The following SHANK2 variants were observed in gnomAD, a reference collection of about 807,000 sequenced individuals.
SHANK2 encodes the protein SH3 and multiple ankyrin repeat domains 2.
Under a neutral mutation model 133.7 loss-of-function variants are expected in SHANK2, and 43 were observed. The ratio of observed to expected loss-of-function variants is 0.32; its 90% CI spans 0.25 to 0.41. SHANK2 has a LOEUF of 0.41. SHANK2 is among the 10% of genes least tolerant of loss of function. The pLI, the probability that SHANK2 is intolerant of heterozygous loss-of-function variation, is 1.00. For synonymous variants in SHANK2, 1,017 were observed against 952.8 expected (o/e 1.07, Z -1.24); for missense variants, 1,994 against 2,235.8 (o/e 0.89, Z 2.18).
chr11:70,694,271 G>A (rs1205189256), intron 15 of SHANK2, among the ~76,000 whole-genome samples: 1 of 152,258 alleles, frequency 6.6e-6, no homozygotes, highest in Non-Finnish European at 1.5e-5. Flanking sequence ...CCGGGTGAGT[G>A]GAGGGGAATC....
rs183453177 is a variant in SHANK2 at position 70,481,429 on chromosome 11, G to T, written c.4979+3885C>A. ...AGCTGCTTCCTTTGATCCCATCCTG[G>T]ATTCTTGCAAGAAGTGAAAAGAAAG... On this transcript the variant is annotated intron_variant, in intron 25 of 25. Transcript: ENST00000601538. Among the ~76,000 whole-genome samples, 51 of 152,282 alleles carry T rather than the reference G, an allele frequency of 3.3e-4. No individual in the cohort carries two copies. In the South Asian group the frequency reaches 5.2e-3, roughly 15 times the overall value.
At chr11:70,589,835 T>C (rs2060298721) in intron 17 of SHANK2, among the ~76,000 whole-genome samples, 1 of 151,962 alleles carries the variant, frequency 6.6e-6, no homozygotes, top group Admixed American at 6.6e-5. Context: ...GCAGATGTGG[T>C]GGAAACAGCA....
chr11:70,483,873 T>G (rs1334809134), intron 25 of SHANK2, among the ~76,000 whole-genome samples: 1 of 152,222 alleles, frequency 6.6e-6, no homozygotes, highest in East Asian at 1.9e-4. Context: ...TTTAGAGTAA[T>G]AGATGACATC....
At chr11:71,083,509 G>A (rs1049303026) in intron 8 of SHANK2, among the ~76,000 whole-genome samples, 15 of 152,244 alleles carry the variant, frequency 9.9e-5, no homozygotes, top group Admixed American at 5.9e-4. Context: ...GTGAGCCAGC[G>A]AGCGATGAGG....
intron 11 of SHANK2, among the ~76,000 whole-genome samples, chr11:70,894,371 A>G (rs1555075280): frequency 6.6e-6 from 1 of 152,116 alleles, no homozygotes; most frequent in Non-Finnish European, 1.5e-5. Context: ...TATTTTTAGT[A>G]GAGACAGGGT....
At chr11:70,786,479 T>C (rs1555046495) in intron 14 of SHANK2, among the ~76,000 whole-genome samples, 2 of 152,172 alleles carry the variant, frequency 1.3e-5, no homozygotes. Flanking sequence ...AATTCTTGTA[T>C]GCGTATGGAC....
intron 17 of SHANK2, among the ~76,000 whole-genome samples, chr11:70,632,835 A>G (rs955085234): frequency 4.6e-5 from 7 of 152,212 alleles, no homozygotes; most frequent in African/African-American, 1.7e-4. Flanking sequence ...GGGGAAGAGT[A>G]GACAGGACCA....
chr11:71,209,564 G>GA (rs1954208075), intron 2 of SHANK2, among the ~76,000 whole-genome samples: 1 of 152,192 alleles, frequency 6.6e-6, no homozygotes, highest in African/African-American at 2.4e-5. Context: ...GTCATACCCA[G>GA]ACCCAGCTCC....
intron 17 of SHANK2, among the ~76,000 whole-genome samples, chr11:70,592,226 C>G (rs573077960): frequency 6.6e-6 from 1 of 152,056 alleles, no homozygotes; most frequent in East Asian, 1.9e-4. Context: ...TCCCTCTGCA[C>G]GCAGGGGACA....
At position 71,128,677 on chromosome 11, in the gene SHANK2, G is replaced by A. The variant is rs181179865; in HGVS notation, c.208-9645C>T. ...ACAGATGAACCATCCACATCTTCCC[G>A]TCCCTCCTACTCCTCCCCATCTCTC... On this transcript the variant is annotated intron_variant, in intron 3 of 25. Coordinates refer to ENST00000601538, the MANE Select transcript of SHANK2 (RefSeq NM_012309.5). Among the ~76,000 whole-genome samples, 242 of 152,224 alleles carry A rather than the reference G, an allele frequency of 1.6e-3. 6 individuals carry two copies. Among genetic ancestry groups the A allele is most frequent in the East Asian group, 1.9e-4 (1 of 5,180 alleles).
chr11:71,143,909 A>G (rs1382730001), intron 3 of SHANK2, among the ~76,000 whole-genome samples: 1 of 152,104 alleles, frequency 6.6e-6, no homozygotes, highest in African/African-American at 2.4e-5. Context: ...TTAGAACACA[A>G]GTACCACCGA....
chr11:70,788,837 AGAT>A (rs1362656010), intron 14 of SHANK2, among the ~76,000 whole-genome samples: 1 of 152,240 alleles, frequency 6.6e-6, no homozygotes, highest in African/African-American at 2.4e-5. Context: ...GTGTGGCTTC[AGAT>A]GATAGAGGAG....
chr11:70,809,710 A>G (rs1948238964), intron 12 of SHANK2, among the ~76,000 whole-genome samples: 1 of 152,154 alleles, frequency 6.6e-6, no homozygotes, highest in Non-Finnish European at 1.5e-5. Context: ...GCCTGACTCC[A>G]AATCTCAGAT....
intron 14 of SHANK2, among the ~76,000 whole-genome samples, chr11:70,788,772 A>T (rs1469854619): frequency 1.3e-5 from 2 of 151,858 alleles, no homozygotes; most frequent in East Asian, 3.9e-4. Flanking sequence ...GTGTCCTGAA[A>T]CCCCGACGAG....
intron 10 of SHANK2, among the ~76,000 whole-genome samples, chr11:70,901,411 C>A (rs1019710048): frequency 2.6e-5 from 4 of 152,262 alleles, no homozygotes; most frequent in Non-Finnish European, 5.9e-5. Flanking sequence ...GTGAAAAGTG[C>A]CCTGCGCAGG....
intron 10 of SHANK2, among the ~76,000 whole-genome samples, chr11:70,915,994 T>G (rs1295146484): frequency 6.6e-6 from 1 of 152,192 alleles, no homozygotes; most frequent in Non-Finnish European, 1.5e-5. Flanking sequence ...CTCCACCTTG[T>G]TGTGCTCTTC....
rs576088935 is a variant in SHANK2 at position 71,160,017 on chromosome 11, T to C, written c.-12-12679A>G. ...ACACCTGAAAGGGACCTTTACAACA[T>C]AGGACAGAGCGCTGTGGAAAATCTG... On this transcript the variant is annotated intron_variant, in intron 2 of 25. Transcript: ENST00000601538. Among the ~76,000 whole-genome samples, 6 of 141,158 alleles carry C rather than the reference T, an allele frequency of 4.3e-5. No homozygotes were observed. The East Asian group carries it at 1.2e-3, about 29-fold the overall frequency. 92.6% of individuals were successfully genotyped at this position (141,158 alleles called of 152,430 possible). A position where few individuals can be genotyped will look rare whatever the true frequency, so the allele number is the denominator to read the frequency against.
chr11:70,543,468 A>G (rs2059648988), intron 17 of SHANK2, among the ~76,000 whole-genome samples: 1 of 152,320 alleles, frequency 6.6e-6, no homozygotes, highest in South Asian at 2.1e-4. Context: ...TGATTGAATC[A>G]ATCATGTCCG....
intron 11 of SHANK2, among the ~76,000 whole-genome samples, chr11:70,865,560 C>T (rs1949341896): frequency 6.6e-6 from 1 of 152,072 alleles, no homozygotes; most frequent in African/African-American, 2.4e-5. Flanking sequence ...CCCAACCGCC[C>T]ATTGGATGGA....
Sources: gnomAD v4.1 joint callset for allele counts (sites outside exome capture counted in the v4.1 genomes callset) on GRCh38, gnomAD v4.1.1 for gene constraint, MANE v1.5 for transcripts, NCBI Gene and HGNC (gene_info 2026-07-23, HGNC 2026-07-21) for gene names.